The following PLCB1 variants were observed in gnomAD, a reference collection of about 807,000 sequenced individuals.
The protein encoded by PLCB1 is phospholipase C beta 1.
PLCB1 carries 46 observed loss-of-function variants against 161.8 expected under a neutral mutation model. That is an observed-to-expected ratio of 0.28 (90% CI 0.22 to 0.36). The LOEUF is 0.36. Ranked by LOEUF, PLCB1 falls within the 10% of genes least tolerant of loss-of-function variation. The pLI is 1.00. For synonymous variants in PLCB1, 517 were observed against 503.7 expected, an observed-to-expected ratio of 1.03 and a Z score of -0.35; for missense variants, 1,016 against 1,472.5, an observed-to-expected ratio of 0.69 and a Z score of 5.07.
rs1988013479 is a variant in PLCB1, at chr20:8,881,944, A to ACTT, written c.*95_*96insCTT. ...ATCACTGCCCAGGACCATCTTCCCG[A>ACTT]GAAGCATCCCTTAGCCTAAAATCCA... On this transcript the variant is annotated 3_prime_UTR_variant, in exon 32 of 32. Transcript: ENST00000338037. The ACTT allele has an allele frequency of 6.1e-6, 5 of 813,552 alleles. No homozygotes were observed. The African/African-American group carries it at 8.6e-5, about 14-fold the overall frequency. The allele number at this position is 813,552 out of a possible 1,614,324, so 50.4% of individuals were successfully genotyped here.
chr20:8,779,318 T>C (rs1184636748), intron 27 of PLCB1, among the ~76,000 whole-genome samples: 2 of 151,966 alleles, frequency 1.3e-5, no homozygotes, highest in Non-Finnish European at 2.9e-5. Context: ...ACTCAGGGGA[T>C]GTGTATAATA....
At chr20:8,569,716 A>T (rs1986445616) in intron 3 of PLCB1, among the ~76,000 whole-genome samples, 1 of 152,222 alleles carries the variant, frequency 6.6e-6, no homozygotes, top group Non-Finnish European at 1.5e-5. Flanking sequence ...ATGAAAATAA[A>T]TGCTTATACT....
At chr20:8,490,460 C>T (rs552968238) in intron 3 of PLCB1, among the ~76,000 whole-genome samples, 3 of 152,282 alleles carry the variant, frequency 2.0e-5, no homozygotes, top group East Asian at 1.9e-4. Context: ...TTTTAAAATC[C>T]GCTATGAACA....
intron 11 of PLCB1, among the ~76,000 whole-genome samples, chr20:8,704,362 A>C (rs1223612237): frequency 6.6e-6 from 1 of 152,170 alleles, no homozygotes; most frequent in African/African-American, 2.4e-5. Flanking sequence ...TCAAAAAAAA[A>C]AAAAGAAAAG....
intron 2 of PLCB1, among the ~76,000 whole-genome samples, chr20:8,252,495 A>G (rs917688573): frequency 6.6e-6 from 1 of 152,012 alleles, no homozygotes; most frequent in Non-Finnish European, 1.5e-5. Context: ...GGTCATATAA[A>G]TTGGTAATGC....
At chr20:8,395,218 C>T (rs1987734497) in intron 3 of PLCB1, among the ~76,000 whole-genome samples, 1 of 151,958 alleles carries the variant, frequency 6.6e-6, no homozygotes, top group South Asian at 2.1e-4. Flanking sequence ...TTATTTTTGC[C>T]ATAGATAAAT....
chr20:8,270,481 T>C (rs1187525581), intron 2 of PLCB1, among the ~76,000 whole-genome samples: 1 of 152,208 alleles, frequency 6.6e-6, no homozygotes, highest in Non-Finnish European at 1.5e-5. Context: ...TCTCCAAGAC[T>C]GTTGATACTG....
intron 2 of PLCB1, among the ~76,000 whole-genome samples, chr20:8,182,100 A>C (rs1174532040): frequency 6.6e-6 from 1 of 152,248 alleles, no homozygotes; most frequent in Non-Finnish European, 1.5e-5. Context: ...TAGCGTTCAC[A>C]GGAATTAGTC....
chr20:8,391,782 T>A (rs1189083852), intron 3 of PLCB1, among the ~76,000 whole-genome samples: 3 of 92,732 alleles, frequency 3.2e-5, no homozygotes, highest in Admixed American at 1.3e-4. Context: ...TATATATGTG[T>A]GTGTATATAT....
At chr20:8,767,849 A>T (rs949967831) in intron 26 of PLCB1, among the ~76,000 whole-genome samples, 1 of 152,200 alleles carries the variant, frequency 6.6e-6, no homozygotes, top group Non-Finnish European at 1.5e-5. Flanking sequence ...TTAAAACAAT[A>T]AAAATGTATT....
intron 3 of PLCB1, among the ~76,000 whole-genome samples, chr20:8,394,180 C>T (rs1456324611): frequency 6.6e-6 from 1 of 152,098 alleles, no homozygotes; most frequent in Non-Finnish European, 1.5e-5. Context: ...TAGTGTACCA[C>T]TAGAGTGAGA....
chr20:8,810,729 C>T (rs1373967741), intron 31 of PLCB1, among the ~76,000 whole-genome samples: 3 of 152,056 alleles, frequency 2.0e-5, no homozygotes, highest in African/African-American at 2.4e-5. Flanking sequence ...TTTGGGAGGG[C>T]GAGTCAGGCA....
intron 31 of PLCB1, among the ~76,000 whole-genome samples, chr20:8,839,798 A>G (rs577881122): frequency 1.8e-4 from 27 of 150,784 alleles, no homozygotes; most frequent in Non-Finnish European, 3.4e-4. Context: ...TGGGAGGCCG[A>G]GGCAGGTGGA....
Position 8,180,758 on chromosome 20 carries a change from G to A in PLCB1, c.177+30387G>A, listed in dbSNP as rs556773319. On this transcript the variant is annotated intron_variant, in intron 2 of 31. Coordinates refer to ENST00000338037, the MANE Select transcript of PLCB1 (RefSeq NM_015192.4). ...TGCCATCTAGGATAACAATAAATGA[G>A]CCTAACAGTCTTTAACTATCTGGTG... Among the ~76,000 whole-genome samples, 22 of 152,186 alleles carry A rather than the reference G, an allele frequency of 1.4e-4. 1 individual carries two copies. The South Asian group carries it at 3.1e-3, about 22-fold the overall frequency.
At chr20:8,787,105 A>T (rs1314421227) in intron 27 of PLCB1, among the ~76,000 whole-genome samples, 1 of 152,242 alleles carries the variant, frequency 6.6e-6, no homozygotes, top group Non-Finnish European at 1.5e-5. Context: ...TCCTTGTCAC[A>T]TGGCCACAAA....
At chr20:8,422,942 T>A (rs926152863) in intron 3 of PLCB1, among the ~76,000 whole-genome samples, 2 of 152,210 alleles carry the variant, frequency 1.3e-5, no homozygotes, top group African/African-American at 4.8e-5. Flanking sequence ...AATATTTCCT[T>A]CACAGGAACG....
chr20:8,409,181 T>G (rs184133100), intron 3 of PLCB1, among the ~76,000 whole-genome samples: 139 of 152,278 alleles, frequency 9.1e-4, no homozygotes, highest in African/African-American at 3.2e-3. Flanking sequence ...AAGTGTGTAT[T>G]ATCTAGGCTT....
chr20:8,170,112 A>G (rs1264131077), intron 2 of PLCB1, among the ~76,000 whole-genome samples: 1 of 152,116 alleles, frequency 6.6e-6, no homozygotes, highest in African/African-American at 2.4e-5. Flanking sequence ...CTGTGTACCC[A>G]TCTTAGATAT....
At chr20:8,502,270 A>G (rs1413918189) in intron 3 of PLCB1, among the ~76,000 whole-genome samples, 1 of 152,146 alleles carries the variant, frequency 6.6e-6, no homozygotes, top group African/African-American at 2.4e-5. Context: ...AACACTTGAC[A>G]TGAACTATTC....
Sources: allele counts gnomAD v4.1 joint callset (sites outside exome capture counted in the v4.1 genomes callset), GRCh38; gene constraint gnomAD v4.1.1; transcripts MANE v1.5; gene names NCBI Gene and HGNC (gene_info 2026-07-23, HGNC 2026-07-21).